MYRIP: variants seen among roughly 807,000 people sequenced by gnomAD.
The protein encoded by MYRIP is myosin VIIA and Rab interacting protein, also known as rab effector MyRIP.
In MYRIP, 49 loss-of-function variants were observed where a neutral mutation model predicts 98.0. The observed-to-expected ratio is 0.50, with a 90% CI of 0.40 to 0.63. MYRIP has a LOEUF of 0.63. MYRIP is among the 30% of genes least tolerant of loss of function. The pLI, the probability that MYRIP is intolerant of heterozygous loss-of-function variation, is 0.00. For synonymous variants in MYRIP, 404 were observed against 409.5 expected, an observed-to-expected ratio of 0.99 and a Z score of 0.16; for missense variants, 1,004 against 1,058.2, an observed-to-expected ratio of 0.95 and a Z score of 0.71.
At chr3:40,217,420 T>C (rs1218450955) in intron 11 of MYRIP, among the ~76,000 whole-genome samples, 1 of 152,194 alleles carries the variant, frequency 6.6e-6, no homozygotes, top group African/African-American at 2.4e-5. Context: ...ATAATATTAA[T>C]TTTAGGATAT....
At chr3:39,843,284 A>G (rs1941859493) in intron 1 of MYRIP, among the ~76,000 whole-genome samples, 1 of 152,168 alleles carries the variant, frequency 6.6e-6, no homozygotes, top group South Asian at 2.1e-4. Flanking sequence ...TTAAGCTTTT[A>G]TATTTGAAAC....
intron 12 of MYRIP, among the ~76,000 whole-genome samples, chr3:40,240,226 G>A (rs374394078): frequency 1.6e-4 from 25 of 152,052 alleles, no homozygotes; most frequent in African/African-American, 3.1e-4. Context: ...GTAGATATGC[G>A]GCATTATTTC....
At chr3:40,019,418 A>G (rs377007885) in intron 2 of MYRIP, among the ~76,000 whole-genome samples, 1 of 152,068 alleles carries the variant, frequency 6.6e-6, no homozygotes, top group East Asian at 1.9e-4. Context: ...ACTCCTGCAC[A>G]TCCTTCCTGG....
intron 1 of MYRIP, among the ~76,000 whole-genome samples, chr3:39,854,640 C>A (rs1052248164): frequency 1.3e-5 from 2 of 152,118 alleles, no homozygotes; most frequent in Non-Finnish European, 2.9e-5. Flanking sequence ...CTTTTTCTGG[C>A]AATTCAGAGA....
intron 3 of MYRIP, 59 bp downstream of exon 3, chr3:40,044,330 A>G: frequency 6.6e-7 from 1 of 1,513,242 alleles, no homozygotes; most frequent in Non-Finnish European, 9.2e-7. Flanking sequence ...TTCACCTGCC[A>G]CTTCCTTCAG....
intron 2 of MYRIP, among the ~76,000 whole-genome samples, chr3:39,907,858 G>A (rs1170006710): frequency 6.6e-6 from 1 of 152,120 alleles, no homozygotes; most frequent in Non-Finnish European, 1.5e-5. Flanking sequence ...GGCCTCTCAG[G>A]TAGTAGAAGA....
intron 1 of MYRIP, among the ~76,000 whole-genome samples, chr3:39,896,058 C>T (rs569897641): frequency 6.6e-6 from 1 of 152,246 alleles, no homozygotes; most frequent in African/African-American, 2.4e-5. Context: ...TGTGAGAATT[C>T]TAAGGAGCAT....
At chr3:40,213,537 C>A (rs1205985541) in intron 11 of MYRIP, among the ~76,000 whole-genome samples, 1 of 152,104 alleles carries the variant, frequency 6.6e-6, no homozygotes, top group Non-Finnish European at 1.5e-5. Context: ...CTACATCAGA[C>A]CCCTAGGTTA....
At chr3:39,913,711 AG>A (rs1944082415) in intron 2 of MYRIP, among the ~76,000 whole-genome samples, 1 of 152,240 alleles carries the variant, frequency 6.6e-6, no homozygotes, top group African/African-American at 2.4e-5. Context: ...ACAATGCCTT[AG>A]GGCAGTCTAA....
At chr3:40,063,168 G>T (rs1032540678) in intron 3 of MYRIP, among the ~76,000 whole-genome samples, 1 of 152,118 alleles carries the variant, frequency 6.6e-6, no homozygotes. Flanking sequence ...AAAGACAAAG[G>T]CTGAGAAAAT....
chr3:40,003,053 GAT>G (rs1055831196), intron 2 of MYRIP, among the ~76,000 whole-genome samples: 6 of 151,252 alleles, frequency 4.0e-5, no homozygotes, highest in African/African-American at 1.5e-4. Context: ...TATAGAGACA[GAT>G]ATAAATACAT....
intron 1 of MYRIP, among the ~76,000 whole-genome samples, chr3:39,879,192 A>T (rs1470423274): frequency 6.6e-6 from 1 of 151,966 alleles, no homozygotes; most frequent in African/African-American, 2.4e-5. Flanking sequence ...TGAAGAACAT[A>T]AAGTCAGTTG....
chr3:39,895,396 A>G (rs926580562), intron 1 of MYRIP, among the ~76,000 whole-genome samples: 8 of 152,088 alleles, frequency 5.3e-5, no homozygotes, highest in African/African-American at 1.9e-4. Flanking sequence ...CATATTGGCC[A>G]GGCTGGTCTT....
At chr3:40,125,355 G>T (rs1409936062) in intron 3 of MYRIP, among the ~76,000 whole-genome samples, 1 of 152,240 alleles carries the variant, frequency 6.6e-6, no homozygotes, top group Non-Finnish European at 1.5e-5. Flanking sequence ...GGAGTCTGAT[G>T]TTCAAGGGTG....
intron 2 of MYRIP, among the ~76,000 whole-genome samples, chr3:39,993,596 T>C (rs2125774468): frequency 6.6e-6 from 1 of 152,290 alleles, no homozygotes; most frequent in East Asian, 1.9e-4. Context: ...AACCATGCCT[T>C]CTCTCTCCTC....
intron 11 of MYRIP, among the ~76,000 whole-genome samples, chr3:40,224,130 C>G (rs528247522): frequency 6.6e-6 from 1 of 152,152 alleles, no homozygotes; most frequent in East Asian, 1.9e-4. Context: ...GGGGCTAGAG[C>G]AAGCAGAGCC....
chr3:40,152,151 T>G (rs1384497806), intron 4 of MYRIP, among the ~76,000 whole-genome samples: 1 of 152,232 alleles, frequency 6.6e-6, no homozygotes, highest in African/African-American at 2.4e-5. Flanking sequence ...CCACATATTA[T>G]GTTTATCACC....
At chr3:39,871,041 C>G (rs1011246886) in intron 1 of MYRIP, among the ~76,000 whole-genome samples, 1 of 152,156 alleles carries the variant, frequency 6.6e-6, no homozygotes, top group African/African-American at 2.4e-5. Flanking sequence ...GCTGTCAGAC[C>G]AACAGGAGAT....
At chr3:39,886,737 A>G (rs992510991) in intron 1 of MYRIP, among the ~76,000 whole-genome samples, 2 of 150,746 alleles carry the variant, frequency 1.3e-5, no homozygotes, top group South Asian at 2.1e-4. Flanking sequence ...CACATTAATA[A>G]TGGGAGACTT....
Sources: allele counts gnomAD v4.1 joint callset (sites outside exome capture counted in the v4.1 genomes callset), GRCh38; gene constraint gnomAD v4.1.1; transcripts MANE v1.5; gene names NCBI Gene and HGNC (gene_info 2026-07-23, HGNC 2026-07-21).